Variants in TMA16 observed in about 807,000 individuals in gnomAD.
TMA16 encodes translation machinery-associated protein 16.
TMA16 carries 26 observed loss-of-function variants against 27.1 expected under a neutral mutation model. That is an observed-to-expected ratio of 0.96 (90% CI 0.70 to 1.33). The LOEUF is 1.33. Ranked by LOEUF, TMA16 falls within the 40% of genes most tolerant of loss-of-function variation. TMA16 has a pLI of 0.00. For missense variants in TMA16, 233 were observed against 241.4 expected, an observed-to-expected ratio of 0.97 and a Z score of 0.23; for synonymous variants, 71 against 81.9, an observed-to-expected ratio of 0.87 and a Z score of 0.72.
chr4:163,515,212 T>C, intron 4 of TMA16, 101 bp from the exon 5 acceptor site: 1 of 1,216,396 alleles, frequency 8.2e-7, no homozygotes, highest in Non-Finnish European at 1.1e-6. Context: ...ACATAAACAT[T>C]TAAAGGCCAC....
chr4:163,500,199 ATTCT>A (rs1465781433), intron 1 of TMA16, among the ~76,000 whole-genome samples: 8 of 148,336 alleles, frequency 5.4e-5, no homozygotes, highest in South Asian at 2.1e-4. Context: ...TTATTTATCC[ATTCT>A]TTCTTTCTTT....
chr4:163,509,379 T>C (rs934803920), intron 2 of TMA16, among the ~76,000 whole-genome samples: 2 of 152,178 alleles, frequency 1.3e-5, no homozygotes, highest in Non-Finnish European at 2.9e-5. Flanking sequence ...TAGAAATGAA[T>C]AGCAGTTACC....
chr4:163,509,652 A>C (rs1239751901), intron 2 of TMA16, among the ~76,000 whole-genome samples: 4 of 152,212 alleles, frequency 2.6e-5, no homozygotes, highest in African/African-American at 9.6e-5. Flanking sequence ...AGTGGATAAC[A>C]ATGCTAGAGT....
At chr4:163,502,205 T>A (rs1422203579) in intron 1 of TMA16, among the ~76,000 whole-genome samples, 1 of 152,180 alleles carries the variant, frequency 6.6e-6, no homozygotes, top group Non-Finnish European at 1.5e-5. Flanking sequence ...GAAGATAAAA[T>A]TAAAGTCTGC....
At chr4:163,515,256 A>C in intron 4 of TMA16, 57 bp from the exon 5 acceptor site, 1 of 1,495,736 alleles carries the variant, frequency 6.7e-7, no homozygotes. Context: ...CCATTAAGTA[A>C]TGTAAGCCCA....
At chr4:163,516,328 T>C (rs1183838543) in intron 5 of TMA16, among the ~76,000 whole-genome samples, 4 of 152,228 alleles carry the variant, frequency 2.6e-5, no homozygotes, top group African/African-American at 7.2e-5. Flanking sequence ...TTGATAAGAT[T>C]TTGAGAAGAC....
intron 2 of TMA16, 128 bp downstream of exon 2, chr4:163,507,273 G>A: frequency 2.4e-6 from 2 of 823,536 alleles, no homozygotes; most frequent in African/African-American, 3.5e-5. Flanking sequence ...TGTTCTGTAT[G>A]CAGAGGGTGA....
At chr4:163,510,189 T>G (rs980533099) in intron 2 of TMA16, among the ~76,000 whole-genome samples, 21 of 152,226 alleles carry the variant, frequency 1.4e-4, no homozygotes, top group African/African-American at 4.6e-4. Context: ...AGAGCCATTC[T>G]CCAACTTTTT....
intron 2 of TMA16, among the ~76,000 whole-genome samples, chr4:163,508,720 A>G (rs1175982152): frequency 1.3e-5 from 2 of 152,190 alleles, no homozygotes; most frequent in Admixed American, 1.3e-4. Flanking sequence ...CAGTGGTATG[A>G]TATGCAATAT....
chr4:163,511,053 G>T (rs1259631164), intron 2 of TMA16, among the ~76,000 whole-genome samples: 1 of 152,180 alleles, frequency 6.6e-6, no homozygotes, highest in African/African-American at 2.4e-5. Context: ...ACACACTTAA[G>T]ATGTTTGCTT....
In TMA16 at chr4:163,515,223, A is replaced by G. The variant is rs1579020143; in HGVS notation, c.240-90A>G. ...AGAAACATAAACATTTAAAGGCCAC[A>G]TGAAGGCTGGATACTAAGTTTTCCA... On this transcript the variant is annotated intron_variant, in intron 4 of 6. Coordinates refer to ENST00000358572, the MANE Select transcript of TMA16 (RefSeq NM_018352.3). 4.5e-6 allele frequency: 6 copies of G among 1,331,316 alleles called. No individual in the cohort carries two copies. In the Admixed American group the frequency reaches 8.5e-5, roughly 19 times the overall value. The allele number at this position is 1,331,316 out of a possible 1,614,324, so 82.5% of individuals were successfully genotyped here. A position where few individuals can be genotyped will look rare whatever the true frequency, so the allele number is the denominator to read the frequency against.
At chr4:163,504,177 A>G (rs933031233) in intron 1 of TMA16, among the ~76,000 whole-genome samples, 3 of 152,050 alleles carry the variant, frequency 2.0e-5, no homozygotes, top group Middle Eastern at 3.2e-3. Context: ...GAGACTTTAT[A>G]TTTTCTTCCC....
At chr4:163,512,091 C>T (rs1737807907) in intron 2 of TMA16, among the ~76,000 whole-genome samples, 1 of 151,992 alleles carries the variant, frequency 6.6e-6, no homozygotes, top group Non-Finnish European at 1.5e-5. Flanking sequence ...GGAAAACCTT[C>T]CCAAATCCTA....
intron 4 of TMA16, 48 bp downstream of exon 4, chr4:163,514,206 C>A (rs961081292): frequency 1.4e-6 from 2 of 1,456,694 alleles, no homozygotes; most frequent in Admixed American, 4.2e-5. Flanking sequence ...AGGGAATTGT[C>A]CAGCCTGGTT....
intron 2 of TMA16, among the ~76,000 whole-genome samples, chr4:163,507,519 A>G (rs758747830): frequency 2.0e-5 from 3 of 152,202 alleles, no homozygotes; most frequent in Non-Finnish European, 4.4e-5. Context: ...CCCATGAGAC[A>G]TGTAAGAGGA....
Position 163,519,858 on chromosome 4 carries a change from A to T in TMA16, c.*344A>T. The T allele has an allele frequency of 3.8e-6, 2 of 528,456 alleles. No individual in the cohort carries two copies. Among genetic ancestry groups the T allele is most frequent in the Non-Finnish European group, 6.7e-6 (2 of 299,034 alleles). The allele number at this position is 528,456 out of a possible 1,614,324, so 32.7% of individuals were successfully genotyped here. On this transcript the variant is annotated 3_prime_UTR_variant, in exon 7 of 7. Coordinates refer to ENST00000358572, the MANE Select transcript of TMA16 (RefSeq NM_018352.3). Reference sequence around the variant, plus strand: ...TTTCACGTTTTGTGAAATGGACAGTAACCTGTTTCCTGAAAGATTCCTGTG... The same window carrying T: ...TTTCACGTTTTGTGAAATGGACAGTTACCTGTTTCCTGAAAGATTCCTGTG...
intron 2 of TMA16, among the ~76,000 whole-genome samples, chr4:163,507,815 T>G (rs935198157): frequency 6.6e-6 from 1 of 151,828 alleles, no homozygotes; most frequent in African/African-American, 2.4e-5. Flanking sequence ...TAAAATGAAG[T>G]GAAGTTCAAA....
chr4:163,520,148 T>C lies in TMA16; in HGVS notation c.*634T>C, dbSNP rs1737950185. On this transcript the variant is annotated 3_prime_UTR_variant, in exon 7 of 7. Transcript: ENST00000358572. ...TGACAAAGGGGATAAAGAGTTTCAGTTTAGCTCCTTTTGATTGTATATTAT... is the reference window on the plus strand; with the variant it reads ...TGACAAAGGGGATAAAGAGTTTCAGCTTAGCTCCTTTTGATTGTATATTAT... 2.5e-6 allele frequency: 1 copy of C among 403,716 alleles called. No homozygotes were observed. 25.0% of individuals were successfully genotyped at this position (403,716 alleles called of 1,614,324 possible).
chr4:163,517,353 T>C, intron 5 of TMA16, 81 bp from the exon 6 acceptor site: 1 of 1,373,720 alleles, frequency 7.3e-7, no homozygotes, highest in Non-Finnish European at 1.0e-6. Flanking sequence ...ATATTCTTGC[T>C]AAAAATTATT....
Sources: allele counts gnomAD v4.1 joint callset (sites outside exome capture counted in the v4.1 genomes callset), GRCh38; gene constraint gnomAD v4.1.1; transcripts MANE v1.5; gene names NCBI Gene and HGNC (gene_info 2026-07-23, HGNC 2026-07-21).